Variants in LYN observed in about 807,000 individuals in gnomAD.
LYN encodes tyrosine-protein kinase Lyn.
Under a neutral mutation model 65.0 loss-of-function variants are expected in LYN, and 12 were observed. The ratio of observed to expected loss-of-function variants is 0.18; its 90% CI spans 0.12 to 0.30. The LOEUF is 0.30. LYN is among the 10% of genes least tolerant of loss of function. LYN has a pLI of 1.00. For synonymous variants in LYN, 222 were observed against 221.2 expected (o/e 1.00, Z -0.03); for missense variants, 380 against 623.2 (o/e 0.61, Z 4.16).
At chr8:55,977,718 G>A (rs559987027) in intron 10 of LYN, among the ~76,000 whole-genome samples, 5 of 145,462 alleles carry the variant, frequency 3.4e-5, no homozygotes, top group African/African-American at 1.3e-4. Context: ...TTTGAGCCCA[G>A]CCTGGGCAAC....
intron 1 of LYN, among the ~76,000 whole-genome samples, chr8:55,916,015 T>C (rs746171622): frequency 1.3e-5 from 2 of 152,240 alleles, no homozygotes; most frequent in Non-Finnish European, 2.9e-5. Context: ...AGGGTAGCCA[T>C]TGTTTTAAAA....
chr8:55,905,130 G>A (rs187228849), intron 1 of LYN, among the ~76,000 whole-genome samples: 1 of 152,194 alleles, frequency 6.6e-6, no homozygotes, highest in Non-Finnish European at 1.5e-5. Context: ...TGGTGACCTG[G>A]CTGGGTGTGG....
chr8:55,996,898 G>A (rs981290119), intron 10 of LYN, among the ~76,000 whole-genome samples: 3 of 152,090 alleles, frequency 2.0e-5, no homozygotes, highest in Non-Finnish European at 2.9e-5. Context: ...GGGAGGCTGA[G>A]GTGAGTGGAT....
At chr8:55,918,779 AC>A (rs1805852198) in intron 1 of LYN, among the ~76,000 whole-genome samples, 1 of 152,222 alleles carries the variant, frequency 6.6e-6, no homozygotes, top group East Asian at 1.9e-4. Context: ...AAACCCCACC[AC>A]TGGGCCAGCC....
intron 1 of LYN, among the ~76,000 whole-genome samples, chr8:55,886,384 C>A (rs34824007): frequency 0.17 from 25,239 of 151,842 alleles, 2,586 homozygotes; most frequent in Non-Finnish European, 0.21. Flanking sequence ...GGATTACAGG[C>A]ATGCACCAAT....
In LYN at chr8:55,957,708, C is replaced by T. The variant is rs146660177; in HGVS notation, c.790+3724C>T. 5.9e-5 allele frequency among the ~76,000 whole-genome samples: 9 copies of T among 152,166 alleles called. No homozygotes were observed. The East Asian group carries it at 1.4e-3, about 23-fold the overall frequency. On this transcript the variant is annotated intron_variant, in intron 8 of 12. Coordinates refer to ENST00000519728, the MANE Select transcript of LYN (RefSeq NM_002350.4). ...CTGTAATCCTGGCACTTCGGGAGGC[C>T]GAGGCAGGTAGATCACTTGAGCTCA...
In LYN at chr8:56,010,545, A is replaced by G. The variant is rs79904136; in HGVS notation, c.*435A>G. On this transcript the variant is annotated 3_prime_UTR_variant, in exon 13 of 13. Transcript: ENST00000519728. ...TAACCGGATATATACATAGCATGAC[A>G]TTTCTTTGTGCTTTGGCTTACTTGT... The G allele has an allele frequency of 4.7e-3, 1,066 of 229,246 alleles. 12 individuals carry two copies. The highest frequency in any genetic ancestry group is 0.022 in the African/African-American group (1,003 of 44,858). The allele number at this position is 229,246 out of a possible 1,614,324, so 14.2% of individuals were successfully genotyped here. A position where few individuals can be genotyped will look rare whatever the true frequency, so the allele number is the denominator to read the frequency against.
chr8:55,939,536 G>A (rs945502070), intron 1 of LYN, among the ~76,000 whole-genome samples: 1 of 152,018 alleles, frequency 6.6e-6, no homozygotes, highest in African/African-American at 2.4e-5. Context: ...ACGCAGTGGG[G>A]GGGGGACAGG....
Position 55,879,862 on chromosome 8 carries a change from G to T in LYN, c.-247G>T. On this transcript the variant is annotated 5_prime_UTR_variant, in exon 1 of 13. Transcript: ENST00000519728. The stretch of plus-strand genomic sequence containing the variant: ...TTCCTCTCCCGCCGCGCCGGGCCGC[G>T]CTGCCGCTCGCTCCCCGGCCGTGGC... 1 of 185,960 alleles carries T rather than the reference G, an allele frequency of 5.4e-6. No homozygotes were observed. The highest frequency in any genetic ancestry group is 1.1e-5 in the Non-Finnish European group (1 of 88,746). 11.5% of individuals were successfully genotyped at this position (185,960 alleles called of 1,614,324 possible).
At chr8:55,922,766 A>C (rs1372886034) in intron 1 of LYN, among the ~76,000 whole-genome samples, 1 of 116,982 alleles carries the variant, frequency 8.5e-6, no homozygotes, top group East Asian at 2.1e-4. Context: ...AAATTCCATC[A>C]AAAAAAAAAA....
At chr8:55,955,597 A>G (rs935346516) in intron 8 of LYN, among the ~76,000 whole-genome samples, 3 of 152,188 alleles carry the variant, frequency 2.0e-5, no homozygotes, top group East Asian at 3.8e-4. Flanking sequence ...CATTCACAAT[A>G]TTGTGTAGCC....
intron 1 of LYN, among the ~76,000 whole-genome samples, chr8:55,901,897 T>A (rs1805275235): frequency 6.6e-6 from 1 of 152,178 alleles, no homozygotes; most frequent in Non-Finnish European, 1.5e-5. Flanking sequence ...TGGGTTAGTA[T>A]ACCACCTCAG....
chr8:56,011,174 AC>A lies in LYN; in HGVS notation c.*1067del. The A allele has an allele frequency of 4.4e-6, 1 of 228,144 alleles. No individual in the cohort carries two copies. Among genetic ancestry groups the A allele is most frequent in the Non-Finnish European group, 8.7e-6 (1 of 114,932 alleles). 14.1% of individuals were successfully genotyped at this position (228,144 alleles called of 1,614,324 possible). On this transcript the variant is annotated 3_prime_UTR_variant, in exon 13 of 13. Transcript: ENST00000519728. ...GTAGCATGTGTATGAGACTATTTATACCCAAGGATATGAAGGAACATAAGTG... is the reference window on the plus strand; with the variant it reads ...GTAGCATGTGTATGAGACTATTTATACCAAGGATATGAAGGAACATAAGTG...
intron 8 of LYN, among the ~76,000 whole-genome samples, chr8:55,960,845 G>C (rs1369300184): frequency 6.6e-6 from 1 of 152,118 alleles, no homozygotes; most frequent in African/African-American, 2.4e-5. Flanking sequence ...TGTTCTTTGG[G>C]GGAAGGGGCT....
At chr8:55,984,156 T>C (rs1315849909) in intron 10 of LYN, among the ~76,000 whole-genome samples, 4 of 152,170 alleles carry the variant, frequency 2.6e-5, no homozygotes, top group South Asian at 2.1e-4. Context: ...CAGGGTGAGA[T>C]TTCATTTTGA....
rs1273131801 is a variant in LYN, at chr8:56,011,866, CT to C, written c.*1757del. ...TGGTAAGGTTTTTGTGTACACCCCC[CT>C]GCTTGCATTTTATTTCAGAACCACA... On this transcript the variant is annotated 3_prime_UTR_variant, in exon 13 of 13. Transcript: ENST00000519728. 3 of 184,886 alleles carry C rather than the reference CT, an allele frequency of 1.6e-5. No homozygotes were observed. The highest frequency in any genetic ancestry group is 3.4e-5 in the Non-Finnish European group (3 of 87,122). The allele number at this position is 184,886 out of a possible 1,614,324, so 11.5% of individuals were successfully genotyped here. A position where few individuals can be genotyped will look rare whatever the true frequency, so the allele number is the denominator to read the frequency against.
chr8:55,906,844 T>C (rs1418537895), intron 1 of LYN, among the ~76,000 whole-genome samples: 1 of 152,194 alleles, frequency 6.6e-6, no homozygotes, highest in African/African-American at 2.4e-5. Flanking sequence ...AGCCCTCCTG[T>C]AAGCTGAGAG....
chr8:55,954,220 A>G (rs1031258891), intron 8 of LYN, among the ~76,000 whole-genome samples: 12 of 152,098 alleles, frequency 7.9e-5, no homozygotes, highest in Non-Finnish European at 1.0e-4. Context: ...GAGGGGAGTA[A>G]TGGGTATTTA....
At chr8:55,908,081 T>C (rs896239944) in intron 1 of LYN, among the ~76,000 whole-genome samples, 1 of 152,120 alleles carries the variant, frequency 6.6e-6, no homozygotes, top group Non-Finnish European at 1.5e-5. Flanking sequence ...GATTAGCATA[T>C]GCTGCTTGAG....
Sources: allele counts gnomAD v4.1 joint callset (sites outside exome capture counted in the v4.1 genomes callset), GRCh38; gene constraint gnomAD v4.1.1; transcripts MANE v1.5; gene names NCBI Gene and HGNC (gene_info 2026-07-23, HGNC 2026-07-21).